The following TMEM163 variants were observed in gnomAD, a reference collection of about 807,000 sequenced individuals.
TMEM163 encodes transmembrane protein 163.
A neutral mutation model predicts 29.3 loss-of-function variants in TMEM163; 17 were observed. The observed-to-expected ratio is 0.58, with a 90% CI of 0.40 to 0.87. The LOEUF is 0.87. Among genes scored for constraint, TMEM163 ranks in the 40% least tolerant of loss-of-function variants. The probability of loss-of-function intolerance (pLI) is 0.00; values close to 1 mark genes in which losing one functional copy is unlikely to be tolerated. For missense variants in TMEM163, 303 were observed against 381.5 expected, an observed-to-expected ratio of 0.79 and a Z score of 1.71; for synonymous variants, 157 against 160.6, an observed-to-expected ratio of 0.98 and a Z score of 0.17.
At chr2:134,576,481 A>T (rs1269588268) in intron 2 of TMEM163, among the ~76,000 whole-genome samples, 1 of 152,230 alleles carries the variant, frequency 6.6e-6, no homozygotes, top group Non-Finnish European at 1.5e-5. Context: ...CCACCCATTA[A>T]GTGGCAATAA....
intron 2 of TMEM163, among the ~76,000 whole-genome samples, chr2:134,687,081 G>C (rs1162615227): frequency 6.6e-6 from 1 of 152,148 alleles, no homozygotes; most frequent in Non-Finnish European, 1.5e-5. Flanking sequence ...TATCATCCAA[G>C]ACTATACAAA....
At chr2:134,526,178 C>T (rs758649585) in intron 4 of TMEM163, among the ~76,000 whole-genome samples, 2 of 152,172 alleles carry the variant, frequency 1.3e-5, no homozygotes, top group East Asian at 3.8e-4. Flanking sequence ...CTTTTACCTT[C>T]GCATTTCACA....
At chr2:134,523,302 ACAT>A (rs1680226075) in intron 4 of TMEM163, among the ~76,000 whole-genome samples, 1 of 152,142 alleles carries the variant, frequency 6.6e-6, no homozygotes. Context: ...CAGAATAAAA[ACAT>A]CACCAGCCAG....
intron 5 of TMEM163, among the ~76,000 whole-genome samples, chr2:134,481,552 T>C (rs1679181688): frequency 6.6e-6 from 1 of 152,044 alleles, no homozygotes; most frequent in Admixed American, 6.5e-5. Flanking sequence ...CATGGAACTG[T>C]GAGTCCATTA....
At chr2:134,588,991 C>T (rs1375395831) in intron 2 of TMEM163, among the ~76,000 whole-genome samples, 2 of 152,034 alleles carry the variant, frequency 1.3e-5, no homozygotes, top group African/African-American at 4.8e-5. Flanking sequence ...AGGCGATACC[C>T]CTCAAAAAGT....
At chr2:134,637,859 TG>T (rs1401721849) in intron 2 of TMEM163, among the ~76,000 whole-genome samples, 2 of 152,240 alleles carry the variant, frequency 1.3e-5, no homozygotes, top group East Asian at 3.8e-4. Context: ...ATGATGTATT[TG>T]GAAGTTTGTA....
intron 2 of TMEM163, among the ~76,000 whole-genome samples, chr2:134,580,067 C>T (rs1681656715): frequency 6.6e-6 from 1 of 152,086 alleles, no homozygotes; most frequent in African/African-American, 2.4e-5. Context: ...AATCTCAATC[C>T]CAGGCTTTCA....
chr2:134,680,120 G>A (rs1253878264), intron 2 of TMEM163, among the ~76,000 whole-genome samples: 1 of 152,218 alleles, frequency 6.6e-6, no homozygotes, highest in Non-Finnish European at 1.5e-5. Context: ...GACCCTGACT[G>A]TTCAGAAGCC....
chr2:134,529,506 G>A (rs1041508486), intron 4 of TMEM163, among the ~76,000 whole-genome samples: 1 of 151,198 alleles, frequency 6.6e-6, no homozygotes, highest in Non-Finnish European at 1.5e-5. Context: ...TCAGCACTTT[G>A]GGGGGTCAAG....
chr2:134,561,707 C>A (rs1471249780), intron 2 of TMEM163, among the ~76,000 whole-genome samples: 1 of 152,198 alleles, frequency 6.6e-6, no homozygotes, highest in East Asian at 1.9e-4. Flanking sequence ...GCCAGCAGAG[C>A]TATCAAGTAA....
At chr2:134,509,495 G>C (rs769283187) in intron 4 of TMEM163, among the ~76,000 whole-genome samples, 10 of 152,192 alleles carry the variant, frequency 6.6e-5, no homozygotes, top group Non-Finnish European at 1.3e-4. Flanking sequence ...CCAAGCCCCA[G>C]GTCTACATGC....
At chr2:134,713,461 A>G (rs1354091608) in intron 1 of TMEM163, 142 bp from the exon 2 acceptor site, 9 of 1,203,324 alleles carry the variant, frequency 7.5e-6, no homozygotes, top group Non-Finnish European at 1.1e-5. Flanking sequence ...CTGTGTTTTA[A>G]CAATTAGATT....
intron 2 of TMEM163, among the ~76,000 whole-genome samples, chr2:134,620,074 C>T (rs1682696867): frequency 6.6e-6 from 1 of 151,996 alleles, no homozygotes; most frequent in African/African-American, 2.4e-5. Context: ...GCAATAATCC[C>T]CAAACTGATC....
chr2:134,458,457 C>T (rs558795337), intron 6 of TMEM163: 11 of 386,006 alleles, frequency 2.8e-5, no homozygotes, highest in Middle Eastern at 7.9e-4. Context: ...CGCCCGTGCC[C>T]GCTAGAACGC....
chr2:134,552,767 T>C (rs1303990462), intron 2 of TMEM163, among the ~76,000 whole-genome samples: 1 of 151,228 alleles, frequency 6.6e-6, no homozygotes, highest in South Asian at 2.1e-4. Context: ...GTTCAAGTGA[T>C]TCTCCTGCCT....
chr2:134,689,625 G>A (rs6714146), intron 2 of TMEM163, among the ~76,000 whole-genome samples: 145 of 152,250 alleles, frequency 9.5e-4, no homozygotes, highest in African/African-American at 3.4e-3. Context: ...GGGCTTCCTT[G>A]AGGAAAACAA....
At chr2:134,498,636 T>C (rs1013174565) in intron 5 of TMEM163, among the ~76,000 whole-genome samples, 2 of 152,114 alleles carry the variant, frequency 1.3e-5, no homozygotes, top group Non-Finnish European at 2.9e-5. Flanking sequence ...CCAGCCAGCA[T>C]GTGGGCTTTC....
chr2:134,569,199 C>T (rs987475738), intron 2 of TMEM163, among the ~76,000 whole-genome samples: 1 of 152,066 alleles, frequency 6.6e-6, no homozygotes, highest in Non-Finnish European at 1.5e-5. Context: ...ATAATTCTTC[C>T]CTGACAGCAT....
chr2:134,713,496 C>T lies in TMEM163; in HGVS notation c.203-177G>A. 3.3e-6 allele frequency: 3 copies of T among 912,192 alleles called. No homozygotes were observed. In the Admixed American group the frequency reaches 6.0e-5, roughly 18 times the overall value. 56.5% of individuals were successfully genotyped at this position (912,192 alleles called of 1,614,324 possible). ...TTCACATGAAAATCAAGCTTTCTGG[C>T]ACCCCTTGAAAAATCACAGGCTCTG... On this transcript the variant is annotated intron_variant, in intron 1 of 7. Transcript: ENST00000281924.
Sources: allele counts gnomAD v4.1 joint callset (sites outside exome capture counted in the v4.1 genomes callset), GRCh38; gene constraint gnomAD v4.1.1; transcripts MANE v1.5; gene names NCBI Gene and HGNC (gene_info 2026-07-23, HGNC 2026-07-21).